SATL1: variants seen among roughly 807,000 people sequenced by gnomAD.
SATL1 encodes spermidine/spermine N1-acetyl transferase like 1, also known as spermidine/spermine N(1)-acetyltransferase-like protein 1.
In SATL1, 47 loss-of-function variants were observed where a neutral mutation model predicts 51.8. The observed-to-expected ratio is 0.91, with a 90% CI of 0.72 to 1.16. SATL1 has a LOEUF of 1.16. Ranked by LOEUF, SATL1 falls within the 50% of genes most tolerant of loss-of-function variation. SATL1 has a pLI of 0.00. For synonymous variants in SATL1, 176 were observed against 182.4 expected (o/e 0.97, Z 0.28); for missense variants, 520 against 526.4 (o/e 0.99, Z 0.12).
chrX:85,167,820 A>G (rs1004548488), intron 2 of SATL1, among the ~76,000 whole-genome samples: 7 of 111,202 alleles, frequency 6.3e-5, no homozygotes, highest in Non-Finnish European at 1.3e-4. Context: ...TGGCAGAGAT[A>G]CAACAAAACC....
At chrX:85,161,630 A>G (rs1926721498) in intron 2 of SATL1, among the ~76,000 whole-genome samples, 2 of 111,537 alleles carry the variant, frequency 1.8e-5, no homozygotes, top group African/African-American at 6.5e-5. Context: ...TATCCTAAAT[A>G]TATATGCAGC....
intron 2 of SATL1, among the ~76,000 whole-genome samples, chrX:85,201,531 G>A (rs1166810515): frequency 9.0e-6 from 1 of 110,886 alleles, no homozygotes; most frequent in Non-Finnish European, 1.9e-5. Flanking sequence ...TATGTGTCAC[G>A]GGAGTTTGTT....
chrX:85,146,576 G>T (rs1341416811), intron 2 of SATL1, among the ~76,000 whole-genome samples: 1 of 112,222 alleles, frequency 8.9e-6, no homozygotes, highest in Non-Finnish European at 1.9e-5. Flanking sequence ...GCAATTTCAA[G>T]TATCCACTGG....
At chrX:85,148,736 A>T (rs1378489910) in intron 2 of SATL1, among the ~76,000 whole-genome samples, 2 of 111,638 alleles carry the variant, frequency 1.8e-5, no homozygotes, top group Non-Finnish European at 3.8e-5. Context: ...GTGAAGGAGA[A>T]ATAAAGTCCT....
intron 4 of SATL1, among the ~76,000 whole-genome samples, chrX:85,102,971 A>G (rs1924936291): frequency 9.0e-6 from 1 of 111,590 alleles, no homozygotes; most frequent in Admixed American, 9.5e-5. Context: ...TCATTTTGTT[A>G]TGCTGTTTCA....
intron 2 of SATL1, among the ~76,000 whole-genome samples, chrX:85,153,080 A>G (rs1361896261): frequency 1.8e-5 from 2 of 110,993 alleles, no homozygotes; most frequent in Admixed American, 1.9e-4. Flanking sequence ...CATTCATATT[A>G]TTTGGCAGGG....
rs764520690 is a variant in SATL1 at position 85,107,913 on chromosome X, C to A, written c.1056G>T (p.Pro352=). The change falls in exon 3 of 8, where the codon CCG becomes CCT. Residue 352 remains proline, a synonymous_variant. Transcript: ENST00000644105. ...SEASISQPGP[P]QRAPSQSGPR... The stretch of plus-strand genomic sequence containing the variant: ...GGCCTGATTGGCTTGGGGCTCGTTG[C>A]GGTGGACCTGGTTGGCTTATGCTTG... 1.3e-5 allele frequency: 16 copies of A among 1,209,833 alleles called. No homozygotes were observed. Among genetic ancestry groups the A allele is most frequent in the Admixed American group, 2.2e-5 (1 of 45,845 alleles).
chrX:85,135,376 G>A (rs1222446559), intron 2 of SATL1, among the ~76,000 whole-genome samples: 1 of 111,172 alleles, frequency 9.0e-6, no homozygotes, highest in Non-Finnish European at 1.9e-5. Flanking sequence ...TGATAGTCTT[G>A]TGCTGCAGAA....
intron 2 of SATL1, among the ~76,000 whole-genome samples, chrX:85,197,975 C>T (rs143566569): frequency 0.014 from 1,589 of 110,113 alleles, 36 homozygotes; most frequent in African/African-American, 0.051. Flanking sequence ...CCACCCCTTG[C>T]CCCTGCCACT....
chrX:85,218,458 T>G (rs1027305425), intron 2 of SATL1, among the ~76,000 whole-genome samples: 1 of 111,541 alleles, frequency 9.0e-6, no homozygotes, highest in African/African-American at 3.3e-5. Context: ...AAAAGTAACA[T>G]GTTATGCTGG....
intron 2 of SATL1, among the ~76,000 whole-genome samples, chrX:85,125,399 T>A (rs1261507036): frequency 9.0e-6 from 1 of 111,137 alleles, no homozygotes; most frequent in Non-Finnish European, 1.9e-5. Context: ...AAGTGACAAT[T>A]ACACTGAGTA....
chrX:85,241,320 T>C (rs1928589673), intron 1 of SATL1, among the ~76,000 whole-genome samples: 3 of 110,891 alleles, frequency 2.7e-5, no homozygotes, highest in African/African-American at 9.9e-5. Context: ...AACTACCTGT[T>C]GGGTACTATG....
At chrX:85,237,974 A>T (rs922687522) in intron 1 of SATL1, among the ~76,000 whole-genome samples, 1 of 111,652 alleles carries the variant, frequency 9.0e-6, no homozygotes, top group Non-Finnish European at 1.9e-5. Flanking sequence ...AACATAATTG[A>T]TAATCAGAGA....
intron 2 of SATL1, among the ~76,000 whole-genome samples, chrX:85,196,369 T>A: frequency 9.0e-6 from 1 of 111,663 alleles, no homozygotes; most frequent in East Asian, 2.8e-4. Flanking sequence ...GACTTAGTAT[T>A]GTTAAGATGA....
At chrX:85,227,269 T>C (rs945983923) in intron 1 of SATL1, among the ~76,000 whole-genome samples, 1 of 111,642 alleles carries the variant, frequency 9.0e-6, no homozygotes, top group Non-Finnish European at 1.9e-5. Flanking sequence ...ATATTTCCTA[T>C]CTCTCTTCAT....
At chrX:85,236,850 A>G (rs1416095555) in intron 1 of SATL1, among the ~76,000 whole-genome samples, 1 of 111,474 alleles carries the variant, frequency 9.0e-6, no homozygotes, top group Non-Finnish European at 1.9e-5. Context: ...CCAATCAGAC[A>G]AAATAAATAA....
intron 2 of SATL1, among the ~76,000 whole-genome samples, chrX:85,181,086 A>T (rs1927190345): frequency 9.5e-6 from 1 of 105,177 alleles, no homozygotes; most frequent in African/African-American, 3.6e-5. Flanking sequence ...AGTGAAAAAC[A>T]GCTGAATGTA....
chrX:85,151,119 C>G (rs1202661028), intron 2 of SATL1, among the ~76,000 whole-genome samples: 18 of 108,402 alleles, frequency 1.7e-4, no homozygotes, highest in African/African-American at 6.0e-4. Context: ...TCAGCAAAGT[C>G]TCAGGATACA....
intron 2 of SATL1, among the ~76,000 whole-genome samples, chrX:85,184,039 G>A (rs1927263007): frequency 8.9e-6 from 1 of 111,745 alleles, no homozygotes; most frequent in Non-Finnish European, 1.9e-5. Context: ...GAGAACATGT[G>A]AAGTTTGTCT....
Sources: gnomAD v4.1 joint callset for allele counts (sites outside exome capture counted in the v4.1 genomes callset) on GRCh38, gnomAD v4.1.1 for gene constraint, MANE v1.5 for transcripts, NCBI Gene and HGNC (gene_info 2026-07-23, HGNC 2026-07-21) for gene names.